PPARGC1A: variants seen among roughly 807,000 people sequenced by gnomAD.
The protein encoded by PPARGC1A is PPARG coactivator 1 alpha, also known as peroxisome proliferator-activated receptor gamma coactivator 1-alpha.
In PPARGC1A, 25 loss-of-function variants were observed where a neutral mutation model predicts 88.7. The observed-to-expected ratio is 0.28, with a 90% CI of 0.21 to 0.39. The LOEUF is 0.39. Among genes scored for constraint, PPARGC1A ranks in the 10% least tolerant of loss-of-function variants. The pLI is 1.00. For synonymous variants in PPARGC1A, 363 were observed against 355.6 expected (o/e 1.02, Z -0.24); for missense variants, 880 against 968.7 (o/e 0.91, Z 1.22).
At chr4:24,305,285 G>A in the PPARGC1A span, among the ~76,000 whole-genome samples, 1 of 151,212 alleles carries the variant, frequency 6.6e-6, no homozygotes, top group East Asian at 1.9e-4. Flanking sequence ...CAGGGTGTAT[G>A]GCAGAAAAAC....
the PPARGC1A span, among the ~76,000 whole-genome samples, chr4:24,420,339 GTACAT>G: frequency 6.6e-6 from 1 of 152,110 alleles, no homozygotes; most frequent in South Asian, 2.1e-4. Context: ...AAAGTTTAAT[GTACAT>G]TAACATTTTT....
the PPARGC1A span, among the ~76,000 whole-genome samples, chr4:23,932,994 C>T: frequency 6.6e-6 from 1 of 152,210 alleles, no homozygotes; most frequent in Admixed American, 6.5e-5. Flanking sequence ...GTTTTCCCGA[C>T]AAGTGGTGAC....
At chr4:24,036,728 T>G in the PPARGC1A span, among the ~76,000 whole-genome samples, 2 of 152,072 alleles carry the variant, frequency 1.3e-5, no homozygotes, top group Non-Finnish European at 2.9e-5. Context: ...TGATTGCCAC[T>G]TGGGTAGGGT....
the PPARGC1A span, among the ~76,000 whole-genome samples, chr4:24,009,989 T>C: frequency 6.6e-6 from 1 of 152,088 alleles, no homozygotes; most frequent in Non-Finnish European, 1.5e-5. Flanking sequence ...ACCTCACACA[T>C]AGAAACCTCT....
chr4:24,131,856 A>C, the PPARGC1A span, among the ~76,000 whole-genome samples: 1 of 152,228 alleles, frequency 6.6e-6, no homozygotes, highest in Non-Finnish European at 1.5e-5. Context: ...ACCTCTCATG[A>C]CGTAAGCAGA....
At chr4:24,242,004 C>T in the PPARGC1A span, among the ~76,000 whole-genome samples, 1 of 151,902 alleles carries the variant, frequency 6.6e-6, no homozygotes, top group Admixed American at 6.6e-5. Context: ...AGGCAATAAT[C>T]AGAGTGCTGT....
chr4:23,860,191 G>A (rs1281942470), intron 2 of PPARGC1A, among the ~76,000 whole-genome samples: 3 of 151,900 alleles, frequency 2.0e-5, no homozygotes, highest in African/African-American at 7.3e-5. Flanking sequence ...AGGACTGCTT[G>A]AGCCCAGGAG....
chr4:24,421,165 AAATC>A, the PPARGC1A span, among the ~76,000 whole-genome samples: 1 of 152,154 alleles, frequency 6.6e-6, no homozygotes, highest in Non-Finnish European at 1.5e-5. Context: ...AACAAACAAA[AAATC>A]AAGATGAGAC....
the PPARGC1A span, among the ~76,000 whole-genome samples, chr4:24,314,501 C>T: frequency 7.9e-5 from 12 of 152,190 alleles, no homozygotes; most frequent in Non-Finnish European, 1.8e-4. Flanking sequence ...CAGCCCCTTG[C>T]TCTTGGACTT....
chr4:24,173,338 CAAAAAAAAA>C, the PPARGC1A span, among the ~76,000 whole-genome samples: 30 of 117,580 alleles, frequency 2.6e-4, no homozygotes, highest in East Asian at 1.4e-3. Flanking sequence ...CTTTCCCCAC[CAAAAAAAAA>C]AAAAAAAAAA....
At chr4:23,957,469 T>A in the PPARGC1A span, among the ~76,000 whole-genome samples, 9 of 152,116 alleles carry the variant, frequency 5.9e-5, no homozygotes, top group Admixed American at 5.9e-4. Flanking sequence ...GGATAGGCAA[T>A]CGATTTAGCA....
At chr4:24,244,980 A>C in the PPARGC1A span, among the ~76,000 whole-genome samples, 2 of 152,300 alleles carry the variant, frequency 1.3e-5, no homozygotes, top group East Asian at 3.9e-4. Flanking sequence ...TTAAGAATGG[A>C]GAAAAAAAGA....
chr4:23,802,064 A>G (rs775736561), intron 11 of PPARGC1A, among the ~76,000 whole-genome samples, 160 bp downstream of exon 11: 1 of 152,214 alleles, frequency 6.6e-6, no homozygotes, highest in African/African-American at 2.4e-5. Flanking sequence ...TCAACTAGAA[A>G]GATTAATAAA....
intron 10 of PPARGC1A, 102 bp downstream of exon 10, chr4:23,812,645 A>G (rs1168428356): frequency 2.6e-6 from 4 of 1,560,732 alleles, no homozygotes; most frequent in Non-Finnish European, 3.5e-6. Context: ...CTGTTCTAAC[A>G]AAGACTTAGC....
intron 12 of PPARGC1A, among the ~76,000 whole-genome samples, chr4:23,797,193 A>G (rs1035349781): frequency 1.3e-5 from 2 of 152,100 alleles, no homozygotes; most frequent in African/African-American, 4.8e-5. Context: ...ATCATAAAAA[A>G]CGGAGACAAA....
the PPARGC1A span, among the ~76,000 whole-genome samples, chr4:24,106,590 C>A: frequency 6.6e-6 from 1 of 152,124 alleles, no homozygotes; most frequent in Admixed American, 6.6e-5. Context: ...AAGAAGTCCC[C>A]GATTCTCTGT....
the PPARGC1A span, among the ~76,000 whole-genome samples, chr4:24,109,019 CCACACA>C: frequency 2.1e-5 from 3 of 140,652 alleles, no homozygotes; most frequent in Admixed American, 7.1e-5. Flanking sequence ...CACACACACA[CCACACA>C]CACACACACA....
chr4:23,863,024 T>G lies in PPARGC1A; in HGVS notation c.234+21728A>C, dbSNP rs543399800. Among the ~76,000 whole-genome samples, 6 of 152,270 alleles carry G rather than the reference T, an allele frequency of 3.9e-5. No homozygotes were observed. The East Asian group carries it at 1.2e-3, about 29-fold the overall frequency. On this transcript the variant is annotated intron_variant, in intron 2 of 12. Transcript: ENST00000264867. ...TGTCCTCTTCTCATTCTCTCATTTT[T>G]GTTAACCAAGCCCAAATTCTCCAAA...
intron 2 of PPARGC1A, among the ~76,000 whole-genome samples, chr4:23,850,141 G>T (rs547368169): frequency 1.3e-5 from 2 of 152,126 alleles, no homozygotes; most frequent in Non-Finnish European, 2.9e-5. Flanking sequence ...AAATAATTAG[G>T]TTGGTGCAAA....
Sources: allele counts gnomAD v4.1 joint callset (sites outside exome capture counted in the v4.1 genomes callset), GRCh38; gene constraint gnomAD v4.1.1; transcripts MANE v1.5; gene names NCBI Gene and HGNC (gene_info 2026-07-23, HGNC 2026-07-21).